The following LIFR variants were observed in gnomAD, a reference collection of about 807,000 sequenced individuals.
LIFR encodes the protein leukemia inhibitory factor receptor.
A neutral mutation model predicts 122.2 loss-of-function variants in LIFR; 84 were observed. That is an observed-to-expected ratio of 0.69 (90% CI 0.58 to 0.82). The LOEUF is 0.82. LIFR is among the 40% of genes least tolerant of loss of function. The pLI is 0.00. For synonymous variants in LIFR, 422 were observed against 434.7 expected, an observed-to-expected ratio of 0.97 and a Z score of 0.36; for missense variants, 1,294 against 1,311.6, an observed-to-expected ratio of 0.99 and a Z score of 0.21.
intron 1 of LIFR, among the ~76,000 whole-genome samples, chr5:38,577,190 C>G (rs563688005): frequency 1.3e-5 from 2 of 152,314 alleles, no homozygotes; most frequent in South Asian, 4.1e-4. Context: ...TCTTCTCATC[C>G]TGACTTAATG....
chr5:38,585,949 G>A (rs1240700466), intron 1 of LIFR, among the ~76,000 whole-genome samples: 2 of 151,870 alleles, frequency 1.3e-5, no homozygotes, highest in Non-Finnish European at 2.9e-5. Context: ...ACCCAGAGCA[G>A]TCAATCCCCT....
At chr5:38,563,928 C>T (rs550773161) in intron 1 of LIFR, among the ~76,000 whole-genome samples, 49 of 152,178 alleles carry the variant, frequency 3.2e-4, no homozygotes, top group Non-Finnish European at 6.2e-4. Flanking sequence ...ATCTCACCTA[C>T]ACCGTAGTGC....
intron 8 of LIFR, 133 bp downstream of exon 8, chr5:38,506,370 G>A (rs577973754): frequency 9.5e-6 from 10 of 1,053,218 alleles, no homozygotes; most frequent in Admixed American, 1.8e-5. Flanking sequence ...GCTTATAAGT[G>A]TAATTTTATA....
intron 1 of LIFR, among the ~76,000 whole-genome samples, chr5:38,587,271 A>G (rs1483894918): frequency 6.6e-6 from 1 of 152,144 alleles, no homozygotes; most frequent in Non-Finnish European, 1.5e-5. Flanking sequence ...TGAGGAGCAT[A>G]TACCAGGGGT....
intron 4 of LIFR, among the ~76,000 whole-genome samples, chr5:38,526,244 G>A (rs780670476): frequency 1.5e-4 from 23 of 151,934 alleles, no homozygotes; most frequent in African/African-American, 3.9e-4. Context: ...CATAATCTAC[G>A]TGCTCCTGCT....
At chr5:38,576,117 C>A (rs774597021) in intron 1 of LIFR, among the ~76,000 whole-genome samples, 3 of 152,076 alleles carry the variant, frequency 2.0e-5, no homozygotes, top group Non-Finnish European at 4.4e-5. Flanking sequence ...TATATTCCTC[C>A]CTGAGCCTCT....
chr5:38,544,747 T>C (rs777739669), intron 1 of LIFR, among the ~76,000 whole-genome samples: 7 of 152,162 alleles, frequency 4.6e-5, no homozygotes, highest in Admixed American at 1.3e-4. Flanking sequence ...TATCCAGTAC[T>C]GAATATCCAG....
intron 13 of LIFR, among the ~76,000 whole-genome samples, chr5:38,494,285 C>T (rs886477658): frequency 1.3e-5 from 2 of 152,108 alleles, no homozygotes; most frequent in Non-Finnish European, 2.9e-5. Flanking sequence ...TTTCTTTCAA[C>T]GAAGACTGCA....
rs1038781260 is a variant in LIFR, at chr5:38,499,501, T to G, written c.1671+12A>C. 8.5e-6 allele frequency: 13 copies of G among 1,527,904 alleles called. No homozygotes were observed. The Admixed American group carries it at 2.0e-4, about 24-fold the overall frequency. The allele number at this position is 1,527,904 out of a possible 1,614,324, so 94.6% of individuals were successfully genotyped here. A position where few individuals can be genotyped will look rare whatever the true frequency, so the allele number is the denominator to read the frequency against. On this transcript the variant is annotated intron_variant, in intron 12 of 19. Transcript: ENST00000453190. ...AGTAATGTAAATGTTCACAGAAAAATTAGATATTTACCTTCCAATAGATTA... is the reference window on the plus strand; with the variant it reads ...AGTAATGTAAATGTTCACAGAAAAAGTAGATATTTACCTTCCAATAGATTA...
At chr5:38,588,301 A>C (rs1414710568) in intron 1 of LIFR, among the ~76,000 whole-genome samples, 1 of 152,130 alleles carries the variant, frequency 6.6e-6, no homozygotes, top group Non-Finnish European at 1.5e-5. Flanking sequence ...CTACACAGTC[A>C]AGCAGGTTTT....
intron 5 of LIFR, among the ~76,000 whole-genome samples, chr5:38,513,393 G>A (rs1004974945): frequency 4.6e-5 from 7 of 152,196 alleles, no homozygotes; most frequent in African/African-American, 1.7e-4. Context: ...CTGCTTGAAA[G>A]TTGTTTGAAG....
At chr5:38,571,248 G>A (rs1372980527) in intron 1 of LIFR, among the ~76,000 whole-genome samples, 3 of 152,220 alleles carry the variant, frequency 2.0e-5, no homozygotes, top group East Asian at 1.9e-4. Flanking sequence ...CACTAGAAAC[G>A]AACAAATAGT....
intron 16 of LIFR, among the ~76,000 whole-genome samples, chr5:38,486,224 A>C (rs1744280335): frequency 6.6e-6 from 1 of 152,224 alleles, no homozygotes; most frequent in Non-Finnish European, 1.5e-5. Flanking sequence ...ATAGAATATC[A>C]TGACTTAAGC....
chr5:38,487,177 T>A (rs757003351), intron 16 of LIFR, among the ~76,000 whole-genome samples: 1 of 152,214 alleles, frequency 6.6e-6, no homozygotes, highest in Non-Finnish European at 1.5e-5. Context: ...CTCTCCCCTG[T>A]GGCTTCCTGG....
Position 38,481,639 on chromosome 5 carries a change from C to T in LIFR, c.3250G>A (p.Gly1084Arg), listed in dbSNP as rs769716512. Reference sequence around the variant, plus strand: ...TGAAAAAAGTTTGTAAAGGACCACCCTCCTCCATTAGATTTAGGAGAGTCT... The same window carrying T: ...TGAAAAAAGTTTGTAAAGGACCACCTTCCTCCATTAGATTTAGGAGAGTCT... ...DEDSPKSNGG[G>R]WSFTNFFQNK... Residue 1084 changes from glycine to arginine, a missense_variant, in exon 20 of 20, where the codon GGG becomes AGG. By Grantham distance (125) the Gly-to-Arg change is moderately radical. Coordinates refer to ENST00000453190, the MANE Select transcript of LIFR (RefSeq NM_001127671.2). 3 of 1,614,070 alleles carry T rather than the reference C, an allele frequency of 1.9e-6. No homozygotes were observed. Among genetic ancestry groups the T allele is most frequent in the South Asian group, 2.2e-5 (2 of 91,072 alleles).
At chr5:38,506,472 C>T in intron 8 of LIFR, 31 bp downstream of exon 8, 1 of 1,613,380 alleles carries the variant, frequency 6.2e-7, no homozygotes, top group Non-Finnish European at 8.5e-7. Context: ...GTACTCCTTG[C>T]CATCTGACAT....
Position 38,481,772 on chromosome 5 carries a change from T to G in LIFR, c.3117A>C (p.Leu1039Phe), listed in dbSNP as rs1171457458. The change falls in exon 20 of 20, where the codon TTA becomes TTC. Residue 1039 changes from leucine (L) to phenylalanine (F), a missense_variant. Physicochemically the swap from Leu to Phe is conservative, Grantham distance 22. Transcript: ENST00000453190. ...RPQANVNTWN[L>F]VSPDSPRSID... ...TGGATCTAGGAGAGTCTGGAGACAC[T>G]AAATTCCATGTATTTACATTGGCCT... is the stretch of plus-strand genomic sequence containing the variant. 1 of 1,614,124 alleles carries G rather than the reference T, an allele frequency of 6.2e-7. No individual in the cohort carries two copies. The highest frequency in any genetic ancestry group is 8.5e-7 in the Non-Finnish European group (1 of 1,180,006).
intron 1 of LIFR, among the ~76,000 whole-genome samples, chr5:38,592,751 C>G (rs888729269): frequency 2.6e-5 from 4 of 151,022 alleles, no homozygotes; most frequent in Non-Finnish European, 2.9e-5. Flanking sequence ...TTAAATTAAA[C>G]TAATACTTTT....
intron 5 of LIFR, among the ~76,000 whole-genome samples, chr5:38,518,651 G>A (rs904585121): frequency 3.7e-4 from 57 of 152,332 alleles, no homozygotes; most frequent in African/African-American, 1.4e-3. Context: ...ACTTGATAAT[G>A]ATAATAAATG....
Sources: allele counts gnomAD v4.1 joint callset (sites outside exome capture counted in the v4.1 genomes callset), GRCh38; gene constraint gnomAD v4.1.1; transcripts MANE v1.5; gene names NCBI Gene and HGNC (gene_info 2026-07-23, HGNC 2026-07-21).